Variants in AKTIP observed in about 807,000 individuals in gnomAD.
The protein encoded by AKTIP is AKT-interacting protein.
Under a neutral mutation model 39.1 loss-of-function variants are expected in AKTIP, and 16 were observed. The ratio of observed to expected loss-of-function variants is 0.41; its 90% confidence interval spans 0.28 to 0.62. AKTIP has a LOEUF of 0.62. Ranked by LOEUF, AKTIP falls within the 20% of genes least tolerant of loss-of-function variation. The pLI is 0.32. For missense variants in AKTIP, 262 were observed against 356.6 expected, an observed-to-expected ratio of 0.73 and a Z score of 2.14; for synonymous variants, 93 against 124.3, an observed-to-expected ratio of 0.75 and a Z score of 1.67.
chr16:53,492,634 G>T, intron 9 of AKTIP, 59 bp downstream of exon 9: 1 of 1,604,730 alleles, frequency 6.2e-7, no homozygotes, highest in South Asian at 1.1e-5. Flanking sequence ...GTCTCCAAAT[G>T]AAGACATTTT....
chr16:53,500,459 C>T, intron 1 of AKTIP, 130 bp from the exon 2 acceptor site: 1 of 429,006 alleles, frequency 2.3e-6, no homozygotes, highest in Non-Finnish European at 4.0e-6. Context: ...CTCACTGCAA[C>T]CTCCACCTCC....
At chr16:53,503,969 C>CGGGGGCT (rs1962333381), upstream of AKTIP, among the ~76,000 whole-genome samples, 1 of 141,858 alleles carries the variant, frequency 7.0e-6, no homozygotes, top group Non-Finnish European at 1.5e-5. Flanking sequence ...GAGTGGGGGC[C>CGGGGGCT]GGGGGCTGGG....
chr16:53,492,796 C>A, intron 8 of AKTIP, 43 bp from the exon 9 acceptor site: 1 of 1,568,506 alleles, frequency 6.4e-7, no homozygotes, highest in Non-Finnish European at 8.8e-7. Context: ...TGTTGGCTCA[C>A]TAAATTTCTA....
intron 3 of AKTIP, among the ~76,000 whole-genome samples, chr16:53,495,721 G>C (rs1961791971): frequency 6.6e-6 from 1 of 152,244 alleles, no homozygotes; most frequent in Non-Finnish European, 1.5e-5. Context: ...TGAGGTCAAT[G>C]AGAGTATTTG....
intron 2 of AKTIP, among the ~76,000 whole-genome samples, chr16:53,499,255 A>G (rs187009338): frequency 6.6e-6 from 1 of 152,364 alleles, no homozygotes; most frequent in Admixed American, 6.5e-5. Context: ...TTAATTAGCT[A>G]TATAAAAACA....
At chr16:53,498,881 G>GT (rs1172124086) in intron 2 of AKTIP, among the ~76,000 whole-genome samples, 2 of 152,268 alleles carry the variant, frequency 1.3e-5, no homozygotes, top group Non-Finnish European at 2.9e-5. Flanking sequence ...AGAAAGAAAT[G>GT]TTTTTTCCTA....
In AKTIP at chr16:53,495,260, A is replaced by T; in HGVS notation, c.313+2T>A. The T allele has an allele frequency of 1.2e-6, 2 of 1,614,220 alleles. No individual in the cohort carries two copies. The highest frequency in any genetic ancestry group is 1.7e-6 in the Non-Finnish European group (2 of 1,180,024). ...TAAATTAAGAGTGAATCCTCATCTT[A>T]CTTAATGCAGAGCGATAAGATGGCT... is the stretch of plus-strand genomic sequence containing the variant. On this transcript the variant is annotated splice_donor_variant, in intron 4 of 9. Transcript: ENST00000394657. LOFTEE classifies it high-confidence loss of function.
rs753191952 is a variant in AKTIP at position 53,494,276 on chromosome 16, T to C, written c.603-31A>G. 4.3e-6 allele frequency: 7 copies of C among 1,611,444 alleles called. No individual in the cohort carries two copies. The Admixed American group carries it at 1.2e-4, about 27-fold the overall frequency. ...TTAAAAGTTTAAGTCAAAAAGTTACTAACTTAATCTACTTAGCTGCATCTT... is the reference window on the plus strand; with the variant it reads ...TTAAAAGTTTAAGTCAAAAAGTTACCAACTTAATCTACTTAGCTGCATCTT... On this transcript the variant is annotated intron_variant, in intron 7 of 9. Coordinates refer to ENST00000394657, the MANE Select transcript of AKTIP (RefSeq NM_022476.4).
At chr16:53,496,438 C>A (rs571901842) in intron 3 of AKTIP, among the ~76,000 whole-genome samples, 1 of 150,976 alleles carries the variant, frequency 6.6e-6, no homozygotes, top group Non-Finnish European at 1.5e-5. Context: ...AAAAGTTACA[C>A]TGGGGCCTCA....
upstream of AKTIP, among the ~76,000 whole-genome samples, chr16:53,503,828 C>G (rs191584677): frequency 2.0e-5 from 3 of 152,336 alleles, no homozygotes; most frequent in Non-Finnish European, 4.4e-5. Flanking sequence ...CAAGAAACGC[C>G]CGTTCTCTCC....
At chr16:53,500,965 A>G (rs145565976) in intron 1 of AKTIP, 2 of 152,186 alleles carry the variant, frequency 1.3e-5, no homozygotes, top group Non-Finnish European at 2.9e-5. Context: ...TGTTACTAGC[A>G]CATCTCGGCA....
chr16:53,492,469 C>A lies in AKTIP; in HGVS notation c.822G>T (p.Trp274Cys). 2 of 1,613,648 alleles carry A rather than the reference C, an allele frequency of 1.2e-6. No homozygotes were observed. The highest frequency in any genetic ancestry group is 1.7e-6 in the Non-Finnish European group (2 of 1,180,026). ...AAGGCTGTACTGAGCCAGGCTTTAC[C>A]CATGACAGGCCAGCAACATGAACAC... ...NKSVHVAGLS[W>C]VKPGSVQPFS... Residue 274 changes from tryptophan (W) to cysteine (C), a missense_variant, in exon 10 of 10, where the codon TGG becomes TGT. By Grantham distance (215) the Trp-to-Cys change is radical (BLOSUM62 -2). Coordinates refer to ENST00000394657, the MANE Select transcript of AKTIP (RefSeq NM_022476.4).
At chr16:53,504,364 A>C (rs1241860579), upstream of AKTIP, 1 of 152,062 alleles carries the variant, frequency 6.6e-6, no homozygotes, top group Non-Finnish European at 1.5e-5. Flanking sequence ...TTACACTCAG[A>C]AGCCGCATTC....
intron 6 of AKTIP, 25 bp downstream of exon 6, chr16:53,494,492 T>C (rs775965946): frequency 1.2e-6 from 2 of 1,613,876 alleles, no homozygotes; most frequent in Admixed American, 3.3e-5. Context: ...ATTATGTCAC[T>C]AAAAGAAACA....
At chr16:53,498,929 T>TA (rs1384136379) in intron 2 of AKTIP, among the ~76,000 whole-genome samples, 3 of 152,188 alleles carry the variant, frequency 2.0e-5, no homozygotes, top group Non-Finnish European at 4.4e-5. Context: ...ACTAAGCAAT[T>TA]AGACAACTGT....
chr16:53,501,939 T>C (rs919103707), intron 1 of AKTIP, among the ~76,000 whole-genome samples: 1 of 152,210 alleles, frequency 6.6e-6, no homozygotes, highest in Non-Finnish European at 1.5e-5. Flanking sequence ...CCCCTTTGGC[T>C]CAAATGAAGA....
At chr16:53,498,310 A>T in intron 3 of AKTIP, 81 bp downstream of exon 3, 1 of 1,413,944 alleles carries the variant, frequency 7.1e-7, no homozygotes, top group Non-Finnish European at 1.0e-6. Context: ...TCTGCCCTTT[A>T]CTGCATCCAT....
rs1961529408 is a variant in AKTIP, at chr16:53,492,280, A to T, written c.*132T>A. 1 of 747,464 alleles carries T rather than the reference A, an allele frequency of 1.3e-6. No individual in the cohort carries two copies. The highest frequency in any genetic ancestry group is 2.2e-6 in the Non-Finnish European group (1 of 449,950). The allele number at this position is 747,464 out of a possible 1,614,324, so 46.3% of individuals were successfully genotyped here. Reference sequence around the variant, plus strand: ...CAAACCCTGCTGTTAGAACCTATGCATACATGGAAAACACTGGCAGTCAGT... The same window carrying T: ...CAAACCCTGCTGTTAGAACCTATGCTTACATGGAAAACACTGGCAGTCAGT... On this transcript the variant is annotated 3_prime_UTR_variant, in exon 10 of 10. Coordinates refer to ENST00000394657, the MANE Select transcript of AKTIP (RefSeq NM_022476.4).
Position 53,494,174 on chromosome 16 carries a change from A to G in AKTIP, c.674T>C (p.Phe225Ser), listed in dbSNP as rs1437625343. ...DSVKVCTARL[F>S]DQPKIEDPYA... ...GGGGTCTTCTATTTTAGGTTGGTCA[A>G]ACAAACGAGCAGTGCACACCTTAAC... The change falls in exon 8 of 10, where the codon TTT becomes TCT. Residue 225 changes from phenylalanine (F) to serine (S), a missense_variant. Around this residue, in one of 4 missense-constraint regions of AKTIP, gnomAD observed 145 missense variants for 159.3 expected, o/e 0.91. Coordinates refer to ENST00000394657, the MANE Select transcript of AKTIP (RefSeq NM_022476.4). 1 of 1,614,198 alleles carries G rather than the reference A, an allele frequency of 6.2e-7. No homozygotes were observed.
Sources: allele counts gnomAD v4.1 joint callset (sites outside exome capture counted in the v4.1 genomes callset), GRCh38; gene constraint gnomAD v4.1.1; regional missense constraint gnomAD v4.1.1; transcripts MANE v1.5; gene names NCBI Gene and HGNC (gene_info 2026-07-23, HGNC 2026-07-21).